The following FNDC3B variants were observed in gnomAD, a reference collection of about 807,000 sequenced individuals.
FNDC3B encodes fibronectin type III domain-containing protein 3B.
In FNDC3B, 12 loss-of-function variants were observed where a neutral mutation model predicts 151.5. The observed-to-expected ratio is 0.08, with a 90% CI of 0.05 to 0.13. The LOEUF is 0.13. Among genes scored for constraint, FNDC3B ranks in the 10% least tolerant of loss-of-function variants. The pLI is 1.00. For missense variants in FNDC3B, 1,214 were observed against 1,505.3 expected (o/e 0.81, Z 3.20); for synonymous variants, 528 against 549.0 (o/e 0.96, Z 0.54).
chr3:172,347,123 C>G (rs1733650651), intron 20 of FNDC3B, 89 bp from the exon 21 acceptor site: 2 of 1,186,596 alleles, frequency 1.7e-6, no homozygotes, highest in African/African-American at 1.5e-5. Context: ...GCATGTTGCT[C>G]TCTTTCCCAT....
intron 3 of FNDC3B, among the ~76,000 whole-genome samples, chr3:172,141,803 A>G (rs1279574778): frequency 1.3e-5 from 2 of 152,236 alleles, no homozygotes; most frequent in East Asian, 1.9e-4. Context: ...GTGAGCTGAG[A>G]TCGTGCCATT....
chr3:172,150,551 G>A (rs1240317535), intron 3 of FNDC3B, among the ~76,000 whole-genome samples: 2 of 151,650 alleles, frequency 1.3e-5, no homozygotes, highest in Non-Finnish European at 2.9e-5. Flanking sequence ...GGTTTTTTAG[G>A]ATTATTTGGT....
intron 20 of FNDC3B, 24 bp from the exon 21 acceptor site, chr3:172,347,188 C>G: frequency 6.3e-7 from 1 of 1,598,258 alleles, no homozygotes. Flanking sequence ...GCATTATTAA[C>G]TACTTCCATT....
intron 3 of FNDC3B, among the ~76,000 whole-genome samples, chr3:172,211,082 A>G (rs149329608): frequency 6.6e-6 from 1 of 152,238 alleles, no homozygotes; most frequent in Non-Finnish European, 1.5e-5. Flanking sequence ...TTATGATTTC[A>G]TATGACAATA....
Position 172,352,996 on chromosome 3 carries a change from A to C in FNDC3B, c.2708A>C (p.Tyr903Ser). ...AATAACGGATCTGAAATCCTTGCTTACACCATTGATCTAGGAGACACTAGC... is the reference window on the plus strand; with the variant it reads ...AATAACGGATCTGAAATCCTTGCTTCCACCATTGATCTAGGAGACACTAGC... ...PCNNGSEILA[Y>S]TIDLGDTSIT... The change falls in exon 22 of 26, where the codon TAC (tyrosine) becomes TCC (serine). Residue 903 changes from tyrosine to serine, a missense_variant. This residue lies in a region of FNDC3B where 284 missense variants were observed against 392.4 expected (regional missense o/e 0.72). Transcript: ENST00000415807. This position sits in a 1 kb window ranked among gnomAD's most constrained non-coding sequence, Gnocchi z 4.2. The C allele has an allele frequency of 6.2e-7, 1 of 1,614,160 alleles. No homozygotes were observed. Among genetic ancestry groups the C allele is most frequent in the Non-Finnish European group, 8.5e-7 (1 of 1,180,022 alleles).
intron 23 of FNDC3B, among the ~76,000 whole-genome samples, chr3:172,370,174 A>G (rs1442418109): frequency 1.3e-4 from 20 of 152,180 alleles, no homozygotes; most frequent in Non-Finnish European, 2.9e-5. Flanking sequence ...GGTAGTAAAT[A>G]TAGAAACGTT....
At position 172,310,818 on chromosome 3, in the gene FNDC3B, T is replaced by C. The variant is rs758939732; in HGVS notation, c.1201-10T>C. 6.4e-7 allele frequency: 1 copy of C among 1,557,794 alleles called. No homozygotes were observed. Among genetic ancestry groups the C allele is most frequent in the Admixed American group, 1.7e-5 (1 of 59,514 alleles). On this transcript the variant is annotated splice_polypyrimidine_tract_variant and intron_variant, in intron 10 of 25. Coordinates refer to ENST00000415807, the MANE Select transcript of FNDC3B (RefSeq NM_022763.4). The stretch of plus-strand genomic sequence containing the variant: ...AACTTTCTCTAATCTCATGTTACTA[T>C]TTTTTTTAGGCACCAATTGACAACG...
In FNDC3B at chr3:172,341,237, T is replaced by C; in HGVS notation, c.1971+6T>C. On this transcript the variant is annotated splice_donor_region_variant and intron_variant, in intron 17 of 25. Coordinates refer to ENST00000415807, the MANE Select transcript of FNDC3B (RefSeq NM_022763.4). ...GTACCGGCGGACACAGCCAGGTTGGTTTTGTTTCCATATGAAAGTAAACCT... is the reference window on the plus strand; with the variant it reads ...GTACCGGCGGACACAGCCAGGTTGGCTTTGTTTCCATATGAAAGTAAACCT... The C allele has an allele frequency of 6.2e-7, 1 of 1,604,370 alleles. No individual in the cohort carries two copies. The highest frequency in any genetic ancestry group is 8.5e-7 in the Non-Finnish European group (1 of 1,171,068).
chr3:172,106,527 G>C (rs2108530315), intron 1 of FNDC3B, among the ~76,000 whole-genome samples: 1 of 152,258 alleles, frequency 6.6e-6, no homozygotes, highest in East Asian at 1.9e-4. Context: ...AAATTAATTT[G>C]CGTACTGTAC....
chr3:172,078,337 T>G (rs1236622059), intron 1 of FNDC3B, among the ~76,000 whole-genome samples: 1 of 152,254 alleles, frequency 6.6e-6, no homozygotes, highest in African/African-American at 2.4e-5. Flanking sequence ...TTGTTGTTCT[T>G]TAAGGTGAGA....
intron 3 of FNDC3B, among the ~76,000 whole-genome samples, chr3:172,143,555 G>A (rs561345020): frequency 6.6e-6 from 1 of 152,038 alleles, no homozygotes; most frequent in Non-Finnish European, 1.5e-5. Flanking sequence ...GGAAATTATA[G>A]CGTTTATGTA....
intron 3 of FNDC3B, among the ~76,000 whole-genome samples, chr3:172,192,949 C>A (rs1176371802): frequency 6.6e-6 from 1 of 152,078 alleles, no homozygotes; most frequent in Non-Finnish European, 1.5e-5. Context: ...AATTTATTAT[C>A]TGTAGAGTTT....
chr3:172,304,896 G>GAAAAAAA (rs1243755769), intron 9 of FNDC3B, among the ~76,000 whole-genome samples: 1 of 85,550 alleles, frequency 1.2e-5, no homozygotes, highest in Non-Finnish European at 2.5e-5. Flanking sequence ...GACTTCATCT[G>GAAAAAAA]AAAAAAAAAA....
At chr3:172,306,256 G>A (rs779527673) in intron 9 of FNDC3B, among the ~76,000 whole-genome samples, 1 of 152,176 alleles carries the variant, frequency 6.6e-6, no homozygotes, top group Non-Finnish European at 1.5e-5. Flanking sequence ...AGAGGAACAT[G>A]ATTGCAGGAT....
intron 6 of FNDC3B, among the ~76,000 whole-genome samples, chr3:172,268,039 C>T (rs1470632645): frequency 6.6e-6 from 1 of 152,122 alleles, no homozygotes. Flanking sequence ...ATAATTATTG[C>T]CCATTGTAAT....
Position 172,062,797 on chromosome 3 carries a change from C to G in FNDC3B, c.-29+23026C>G, listed in dbSNP as rs1717280756. ...ATCCATCCTCTTCTCATTTTGACTT[C>G]TATTAGTTATTTCCTGAAGCCCGTA... On this transcript the variant is annotated intron_variant, in intron 1 of 25. Coordinates refer to ENST00000415807, the MANE Select transcript of FNDC3B (RefSeq NM_022763.4). Among the ~76,000 whole-genome samples, 3 of 151,924 alleles carry G rather than the reference C, an allele frequency of 2.0e-5. No homozygotes were observed. In the South Asian group the frequency reaches 6.2e-4, roughly 32 times the overall value.
chr3:172,121,054 C>T (rs1388524920), intron 2 of FNDC3B, among the ~76,000 whole-genome samples: 1 of 152,174 alleles, frequency 6.6e-6, no homozygotes, highest in Non-Finnish European at 1.5e-5. Flanking sequence ...AAGTTGCAGC[C>T]ATTTGCTGTT....
chr3:172,179,858 C>CAAAAAAAA (rs60259015), intron 3 of FNDC3B, among the ~76,000 whole-genome samples: 1 of 97,790 alleles, frequency 1.0e-5, no homozygotes, highest in African/African-American at 4.0e-5. Flanking sequence ...GCCCTGTCTC[C>CAAAAAAAA]AAAAAAAAAA....
At chr3:172,157,499 G>A (rs185961478) in intron 3 of FNDC3B, among the ~76,000 whole-genome samples, 1 of 152,268 alleles carries the variant, frequency 6.6e-6, no homozygotes, top group East Asian at 1.9e-4. Flanking sequence ...TTAAAATATG[G>A]AGTGGTTCTA....
Sources: gnomAD v4.1 joint callset for allele counts (sites outside exome capture counted in the v4.1 genomes callset) on GRCh38, gnomAD v4.1.1 for gene constraint, gnomAD v4.1.1 regional missense constraint, Gnocchi (gnomAD v3.1) non-coding constraint, MANE v1.5 for transcripts, NCBI Gene and HGNC (gene_info 2026-07-23, HGNC 2026-07-21) for gene names.